The following DCDC1 variants were observed in gnomAD, a reference collection of about 807,000 sequenced individuals.
The protein encoded by DCDC1 is doublecortin domain containing 1.
DCDC1 carries 200 observed loss-of-function variants against 178.3 expected under a neutral mutation model. The observed-to-expected ratio is 1.12, with a 90% CI of 1.00 to 1.26. DCDC1 has a LOEUF of 1.26. Among genes scored for constraint, DCDC1 ranks in the 50% most tolerant of loss-of-function variants. The pLI, the probability that DCDC1 is intolerant of heterozygous loss-of-function variation, is 0.00. For synonymous variants in DCDC1, 690 were observed against 604.8 expected, an observed-to-expected ratio of 1.14 and a Z score of -2.07; for missense variants, 1,983 against 1,749.2, an observed-to-expected ratio of 1.13 and a Z score of -2.38.
intron 9 of DCDC1, among the ~76,000 whole-genome samples, chr11:31,203,509 ACTGATACGGCATCAT>A (rs1164812958): frequency 6.6e-6 from 1 of 152,110 alleles, no homozygotes; most frequent in Non-Finnish European, 1.5e-5. Context: ...ATTGTCATGA[ACTGATACGGCATCAT>A]CTTGGGACCT....
intron 34 of DCDC1, among the ~76,000 whole-genome samples, chr11:30,898,055 G>T (rs757118360): frequency 1.3e-5 from 2 of 152,174 alleles, no homozygotes; most frequent in Non-Finnish European, 2.9e-5. Context: ...AAAGCTCAGA[G>T]TTAAGAAAGC....
At chr11:31,251,622 A>C (rs947231471) in intron 8 of DCDC1, among the ~76,000 whole-genome samples, 1 of 152,122 alleles carries the variant, frequency 6.6e-6, no homozygotes, top group East Asian at 1.9e-4. Flanking sequence ...AAACAGAGAG[A>C]GAGAGAGAGA....
At chr11:31,102,382 A>G (rs1364403757) in intron 14 of DCDC1, 100 bp from the exon 15 acceptor site, 4 of 495,214 alleles carry the variant, frequency 8.1e-6, no homozygotes, top group African/African-American at 7.6e-5. Flanking sequence ...TGCTTTATGT[A>G]TACTCCATTA....
chr11:31,204,348 G>A (rs7110281), intron 9 of DCDC1, among the ~76,000 whole-genome samples: 3,125 of 151,272 alleles, frequency 0.021, 97 homozygotes, highest in African/African-American at 0.071. Context: ...AAGGTGCCAA[G>A]GATAACAATA....
intron 10 of DCDC1, among the ~76,000 whole-genome samples, chr11:31,133,302 CGGT>C (rs1437484530): frequency 6.6e-6 from 1 of 152,126 alleles, no homozygotes; most frequent in African/African-American, 2.4e-5. Flanking sequence ...TCAGCACAAA[CGGT>C]GGCAGCCTCT....
At chr11:30,927,150 T>A (rs1946637835) in intron 22 of DCDC1, among the ~76,000 whole-genome samples, 1 of 152,120 alleles carries the variant, frequency 6.6e-6, no homozygotes, top group African/African-American at 2.4e-5. Context: ...TTTTCTTTCT[T>A]CTCCCTGTGG....
At chr11:31,315,306 CTTTTTTTTTTTTTTTTTT>C (rs72156406) in intron 3 of DCDC1, among the ~76,000 whole-genome samples, 1 of 62,140 alleles carries the variant, frequency 1.6e-5, no homozygotes, top group Non-Finnish European at 2.8e-5. Flanking sequence ...TTTGCATACC[CTTTTTTTTTTTTTTTTTT>C]TTTTTTTTTT....
chr11:31,096,283 C>A (rs930204239), intron 15 of DCDC1, among the ~76,000 whole-genome samples: 1 of 152,154 alleles, frequency 6.6e-6, no homozygotes, highest in South Asian at 2.1e-4. Context: ...AGTTTCTGAA[C>A]AATGATAAAC....
intron 12 of DCDC1, among the ~76,000 whole-genome samples, chr11:31,107,683 G>A (rs868322657): frequency 6.6e-6 from 1 of 152,176 alleles, no homozygotes; most frequent in Non-Finnish European, 1.5e-5. Context: ...CAAATATAAA[G>A]TAAATCTAAC....
chr11:30,870,732 A>G (rs1362018724), intron 38 of DCDC1, among the ~76,000 whole-genome samples: 2 of 152,158 alleles, frequency 1.3e-5, no homozygotes, highest in Non-Finnish European at 2.9e-5. Flanking sequence ...TGATATTGTA[A>G]TCAAAGTCAC....
intron 20 of DCDC1, among the ~76,000 whole-genome samples, chr11:31,022,146 C>CT (rs1952913462): frequency 6.6e-6 from 1 of 152,138 alleles, no homozygotes; most frequent in South Asian, 2.1e-4. Context: ...TTAAATATCT[C>CT]ACAGTTCTAG....
intron 20 of DCDC1, among the ~76,000 whole-genome samples, chr11:31,050,723 T>C (rs1955189597): frequency 6.6e-6 from 1 of 152,080 alleles, no homozygotes; most frequent in South Asian, 2.1e-4. Flanking sequence ...CCGGGAAGAC[T>C]CACTGCTTCA....
At chr11:31,343,309 C>T (rs902965007) in intron 1 of DCDC1, among the ~76,000 whole-genome samples, 1 of 151,934 alleles carries the variant, frequency 6.6e-6, no homozygotes, top group Non-Finnish European at 1.5e-5. Flanking sequence ...CAGAGTAAGA[C>T]CCTGTCTTTT....
intron 20 of DCDC1, among the ~76,000 whole-genome samples, chr11:31,005,706 G>A (rs986009067): frequency 4.6e-5 from 7 of 151,998 alleles, no homozygotes; most frequent in Admixed American, 4.6e-4. Flanking sequence ...CTCTCCTACA[G>A]ATAGTCTCTT....
chr11:30,927,702 AAC>A (rs1946672915), intron 22 of DCDC1, among the ~76,000 whole-genome samples: 1 of 152,190 alleles, frequency 6.6e-6, no homozygotes, highest in Non-Finnish European at 1.5e-5. Flanking sequence ...TCTAAAATGG[AAC>A]TTATTATACT....
chr11:31,328,395 CA>C (rs1949762383), intron 2 of DCDC1, 109 bp from the exon 3 acceptor site: 3 of 1,056,664 alleles, frequency 2.8e-6, no homozygotes, highest in African/African-American at 3.2e-5. Context: ...GATTCTAGAC[CA>C]TATAGCAATG....
At chr11:31,309,513 C>T (rs1214204466) in intron 3 of DCDC1, among the ~76,000 whole-genome samples, 1 of 152,096 alleles carries the variant, frequency 6.6e-6, no homozygotes, top group Non-Finnish European at 1.5e-5. Context: ...TGGAGCTTCA[C>T]ACGGTTACCA....
At chr11:30,925,263 G>A in intron 23 of DCDC1, 46 bp downstream of exon 23, 2 of 1,437,638 alleles carry the variant, frequency 1.4e-6, no homozygotes, top group Non-Finnish European at 2.0e-6. Context: ...TTCTTGGATG[G>A]GGTATTAATA....
At chr11:31,347,547 G>C (rs1212897919) in intron 1 of DCDC1, among the ~76,000 whole-genome samples, 2 of 152,032 alleles carry the variant, frequency 1.3e-5, no homozygotes, top group Admixed American at 6.6e-5. Flanking sequence ...TAAATAAATG[G>C]AAAACAAAAA....
Sources: allele counts gnomAD v4.1 joint callset (sites outside exome capture counted in the v4.1 genomes callset), GRCh38; gene constraint gnomAD v4.1.1; transcripts MANE v1.5; gene names NCBI Gene and HGNC (gene_info 2026-07-23, HGNC 2026-07-21).